PTCHD4: variants seen among roughly 807,000 people sequenced by gnomAD.
PTCHD4 encodes patched domain-containing protein 4.
PTCHD4 carries 33 observed loss-of-function variants against 58.1 expected under a neutral mutation model. That is an observed-to-expected ratio of 0.57 (90% CI 0.43 to 0.76). The LOEUF (loss-of-function observed/expected upper bound fraction) is 0.76. Ranked by LOEUF, PTCHD4 falls within the 30% of genes least tolerant of loss-of-function variation. The pLI is 0.00. For missense variants in PTCHD4, 1,058 were observed against 1,027.1 expected, an observed-to-expected ratio of 1.03 and a Z score of -0.41; for synonymous variants, 478 against 409.6, an observed-to-expected ratio of 1.17 and a Z score of -2.02.
At chr6:48,030,142 A>T (rs2114130177) in intron 3 of PTCHD4, among the ~76,000 whole-genome samples, 1 of 152,224 alleles carries the variant, frequency 6.6e-6, no homozygotes, top group East Asian at 1.9e-4. Flanking sequence ...AATAAGAAAA[A>T]AAGGTCTATG....
rs1007509578 is a variant in PTCHD4 at position 47,891,477 on chromosome 6, G to A, written c.899-11541C>T. Among the ~76,000 whole-genome samples the A allele has an allele frequency of 5.9e-5, 9 of 151,730 alleles. No individual in the cohort carries two copies. The South Asian group carries it at 6.3e-4, about 11-fold the overall frequency. The stretch of plus-strand genomic sequence containing the variant: ...AAAAAACACAAACATTGCCCAAAAC[G>A]TAAAATGGACTAAATCTCTTCCTTT... On this transcript the variant is annotated intron_variant, in intron 4 of 4. Transcript: ENST00000339488.
chr6:47,924,466 G>A (rs1765531522), intron 4 of PTCHD4, among the ~76,000 whole-genome samples: 1 of 152,114 alleles, frequency 6.6e-6, no homozygotes, highest in Non-Finnish European at 1.5e-5. Context: ...ACCCCAGAGT[G>A]AATCCAATCT....
intron 4 of PTCHD4, among the ~76,000 whole-genome samples, chr6:47,950,337 G>A (rs1766595712): frequency 6.6e-6 from 1 of 152,114 alleles, no homozygotes; most frequent in African/African-American, 2.4e-5. Flanking sequence ...CAAGACTCAG[G>A]ACAGTACTTA....
At chr6:48,083,070 T>G (rs1182649228) in intron 1 of PTCHD4, among the ~76,000 whole-genome samples, 1 of 151,168 alleles carries the variant, frequency 6.6e-6, no homozygotes, top group Non-Finnish European at 1.5e-5. Flanking sequence ...CAGTATTTTT[T>G]GTTTTTGTTT....
chr6:48,077,219 TA>T (rs1765077459), intron 1 of PTCHD4, among the ~76,000 whole-genome samples: 1 of 152,238 alleles, frequency 6.6e-6, no homozygotes, highest in African/African-American at 2.4e-5. Context: ...AGATTTAGCA[TA>T]ATTCTTAAGG....
chr6:47,953,017 C>T (rs531069637), intron 4 of PTCHD4, among the ~76,000 whole-genome samples: 82 of 151,520 alleles, frequency 5.4e-4, no homozygotes, highest in Admixed American at 1.4e-3. Flanking sequence ...ATGATAAAGA[C>T]TCATGAACAT....
intron 4 of PTCHD4, among the ~76,000 whole-genome samples, chr6:47,933,210 A>G (rs1207088383): frequency 1.3e-5 from 2 of 152,178 alleles, no homozygotes; most frequent in Non-Finnish European, 2.9e-5. Context: ...CAGGAACCCA[A>G]TTGAACAAAT....
At chr6:48,098,282 T>A (rs912343306) in intron 1 of PTCHD4, among the ~76,000 whole-genome samples, 1 of 150,196 alleles carries the variant, frequency 6.7e-6, no homozygotes, top group African/African-American at 2.4e-5. Flanking sequence ...ATGAGATAAG[T>A]CAAGGATGGA....
At chr6:47,923,978 A>G (rs1765515208) in intron 4 of PTCHD4, among the ~76,000 whole-genome samples, 1 of 152,200 alleles carries the variant, frequency 6.6e-6, no homozygotes, top group Non-Finnish European at 1.5e-5. Flanking sequence ...CGAATGGGGA[A>G]CAAAAAACTA....
At position 47,879,194 on chromosome 6, in the gene PTCHD4, C is replaced by T. The variant is rs1402018865; in HGVS notation, c.1641G>A (p.Trp547Ter). ...RLCSGFTAVS[W>*]VEQYYQFLKV... ...TCAGGAACTGGTAGTACTGCTCCAC[C>T]CAGGACACTGCAGTGAATCCACTAC... The change falls in exon 5 of 5, where the codon TGG (tryptophan) becomes TGA (stop). Residue 547 changes from tryptophan to a stop codon, truncating the protein, a stop_gained. Coordinates refer to ENST00000339488, the MANE Select transcript of PTCHD4 (RefSeq NM_001384253.1). LOFTEE classifies it high-confidence loss of function. 1 of 1,612,566 alleles carries T rather than the reference C, an allele frequency of 6.2e-7. No homozygotes were observed. Among genetic ancestry groups the T allele is most frequent in the African/African-American group, 1.3e-5 (1 of 74,996 alleles).
rs934025800 is a variant in PTCHD4, at chr6:47,863,338, C to T, written c.*14965G>A. ...CCAAAAGACTTATGTAAGCAATGGG[C>T]TCAGAAATTTAAGCTTCATTAGCTA... On this transcript the variant is annotated 3_prime_UTR_variant, in exon 5 of 5. Transcript: ENST00000339488. 6.6e-6 allele frequency among the ~76,000 whole-genome samples: 1 copy of T among 151,818 alleles called. No homozygotes were observed. Among genetic ancestry groups the T allele is most frequent in the Non-Finnish European group, 1.5e-5 (1 of 67,874 alleles).
At chr6:48,010,026 T>C (rs578021423) in intron 3 of PTCHD4, among the ~76,000 whole-genome samples, 1 of 152,252 alleles carries the variant, frequency 6.6e-6, no homozygotes, top group East Asian at 1.9e-4. Flanking sequence ...TGCCCCAACA[T>C]GAAGAAAGAA....
chr6:48,008,394 T>C (rs1357835495), intron 4 of PTCHD4, among the ~76,000 whole-genome samples: 1 of 152,192 alleles, frequency 6.6e-6, no homozygotes, highest in East Asian at 1.9e-4. Flanking sequence ...AGAATTCCAA[T>C]GTTGTATAAC....
intron 4 of PTCHD4, among the ~76,000 whole-genome samples, chr6:47,986,968 T>C (rs1417043760): frequency 6.6e-6 from 1 of 152,066 alleles, no homozygotes; most frequent in African/African-American, 2.4e-5. Flanking sequence ...TCTTGTATTT[T>C]GAAACTTCTC....
In PTCHD4 at chr6:47,879,541, G is replaced by A; in HGVS notation, c.1294C>T (p.His432Tyr). The A allele has an allele frequency of 6.2e-7, 1 of 1,613,776 alleles. No homozygotes were observed. Among genetic ancestry groups the A allele is most frequent in the Non-Finnish European group, 8.5e-7 (1 of 1,179,766 alleles). Residue 432 changes from histidine (H) to tyrosine (Y), a missense_variant, in exon 5 of 5, where the codon CAT (histidine) becomes TAT (tyrosine). Physicochemically the swap from His to Tyr is moderately conservative, Grantham distance 83. Coordinates refer to ENST00000339488, the MANE Select transcript of PTCHD4 (RefSeq NM_001384253.1). ...VMSDGHQQTS[H>Y]HETNPYQHHF... ...TGCTGGTAGGGGTTCGTCTCATGAT[G>A]GGACGTCTGTTGATGCCCATCACTC...
In PTCHD4 at chr6:47,918,019, G is replaced by GA. The variant is rs1228404743; in HGVS notation, c.899-38084dup. On this transcript the variant is annotated intron_variant, in intron 4 of 4. Transcript: ENST00000339488. Reference sequence around the variant, plus strand: ...AAGATGATTTGCCAAGAGGAGAGGGGAAAAATCAGCAGAGGAAACAGCTTC... The same window carrying GA: ...AAGATGATTTGCCAAGAGGAGAGGGGAAAAAATCAGCAGAGGAAACAGCTTC... Among the ~76,000 whole-genome samples, 2 of 152,100 alleles carry GA rather than the reference G, an allele frequency of 1.3e-5. 1 individual carries two copies. Among genetic ancestry groups the GA allele is most frequent in the South Asian group, 4.1e-4 (2 of 4,826 alleles).
At chr6:48,089,573 T>C (rs913134862) in intron 1 of PTCHD4, among the ~76,000 whole-genome samples, 4 of 152,212 alleles carry the variant, frequency 2.6e-5, no homozygotes, top group African/African-American at 9.6e-5. Flanking sequence ...TAGATTATTG[T>C]TTTAATTTTA....
At chr6:47,965,272 T>C (rs562038553) in intron 4 of PTCHD4, among the ~76,000 whole-genome samples, 2 of 152,318 alleles carry the variant, frequency 1.3e-5, no homozygotes, top group East Asian at 3.9e-4. Context: ...TAGAATATAT[T>C]TAAAGATAGA....
At chr6:48,009,737 C>A (rs545325333) in intron 3 of PTCHD4, among the ~76,000 whole-genome samples, 2 of 152,114 alleles carry the variant, frequency 1.3e-5, no homozygotes, top group African/African-American at 4.8e-5. Flanking sequence ...GATGTGAACA[C>A]CTATTCATAC....
Sources: gnomAD v4.1 joint callset for allele counts (sites outside exome capture counted in the v4.1 genomes callset) on GRCh38, gnomAD v4.1.1 for gene constraint, MANE v1.5 for transcripts, NCBI Gene and HGNC (gene_info 2026-07-23, HGNC 2026-07-21) for gene names.